MYZAP: variants seen among roughly 807,000 people sequenced by gnomAD.
The protein encoded by MYZAP is myocardial zonula adherens protein.
Under a neutral mutation model 69.4 loss-of-function variants are expected in MYZAP, and 66 were observed. The ratio of observed to expected loss-of-function variants is 0.95; its 90% CI spans 0.78 to 1.17. The LOEUF (loss-of-function observed/expected upper bound fraction) is 1.17, where lower values mean the gene tolerates loss of function less well. Ranked by LOEUF, MYZAP falls within the 50% of genes most tolerant of loss-of-function variation. MYZAP has a pLI of 0.00. For synonymous variants in MYZAP, 256 were observed against 205.9 expected, an observed-to-expected ratio of 1.24 and a Z score of -2.09; for missense variants, 611 against 556.2, an observed-to-expected ratio of 1.10 and a Z score of -0.99.
chr15:57,665,274 T>C (rs1418016445), intron 11 of MYZAP, among the ~76,000 whole-genome samples: 2 of 152,230 alleles, frequency 1.3e-5, no homozygotes, highest in African/African-American at 4.8e-5. Context: ...AGGGTGAGGC[T>C]GGACGTGAGT....
intron 5 of MYZAP, among the ~76,000 whole-genome samples, chr15:57,626,195 C>T (rs1303043530): frequency 6.6e-6 from 1 of 152,164 alleles, no homozygotes; most frequent in African/African-American, 2.4e-5. Flanking sequence ...TGCCTAACCC[C>T]ACACGTCAGC....
intron 2 of MYZAP, among the ~76,000 whole-genome samples, chr15:57,605,910 C>T (rs1210770636): frequency 1.3e-5 from 2 of 151,948 alleles, no homozygotes; most frequent in Non-Finnish European, 2.9e-5. Flanking sequence ...TAATGACAGT[C>T]ATGGCTTATA....
chr15:57,593,188 G>GCATGCGCGCGCGCGCGCGCGCACA, intron 1 of MYZAP, among the ~76,000 whole-genome samples: 1 of 114,152 alleles, frequency 8.8e-6, no homozygotes, highest in Non-Finnish European at 1.8e-5. Context: ...GTACACAGGC[G>GCATGCGCGCGCGCGCGCGCGCACA]CACACACACA....
Position 57,610,651 on chromosome 15 carries a change from A to G in MYZAP, c.162+6296A>G, listed in dbSNP as rs549308111. ...GTTAGTCTAGAGCCAGTGTTTTTCC[A>G]AACATTCCTTTATTCACGTTGATAA... On this transcript the variant is annotated intron_variant, in intron 2 of 12. Coordinates refer to ENST00000267853, the MANE Select transcript of MYZAP (RefSeq NM_001018100.5). Among the ~76,000 whole-genome samples the G allele has an allele frequency of 1.3e-5, 2 of 152,266 alleles. 1 individual carries two copies. The highest frequency in any genetic ancestry group is 1.3e-4 in the Admixed American group (2 of 15,292).
At chr15:57,677,496 TAGAG>T (rs1402749603) in intron 12 of MYZAP, among the ~76,000 whole-genome samples, 3 of 152,204 alleles carry the variant, frequency 2.0e-5, no homozygotes, top group Admixed American at 6.5e-5. Context: ...ATGTAATAAA[TAGAG>T]AGCTACTAAA....
At chr15:57,650,439 CT>C (rs1419337481) in intron 10 of MYZAP, among the ~76,000 whole-genome samples, 9 of 152,166 alleles carry the variant, frequency 5.9e-5, no homozygotes, top group African/African-American at 2.4e-5. Context: ...CTCATTTGAA[CT>C]TGAGGCAGAA....
intron 9 of MYZAP, 76 bp from the exon 10 acceptor site, chr15:57,639,364 T>G (rs2036995974): frequency 1.6e-5 from 24 of 1,493,278 alleles, no homozygotes; most frequent in Non-Finnish European, 1.8e-6. Flanking sequence ...CAATATTCTT[T>G]AAAGCTGTGA....
At chr15:57,602,219 C>T (rs774225169) in intron 1 of MYZAP, among the ~76,000 whole-genome samples, 1 of 152,088 alleles carries the variant, frequency 6.6e-6, no homozygotes, top group Non-Finnish European at 1.5e-5. Context: ...TTTGCTAGGG[C>T]TGCCATGAAA....
chr15:57,621,224 T>C (rs1475870000), intron 3 of MYZAP, among the ~76,000 whole-genome samples: 1 of 131,434 alleles, frequency 7.6e-6, no homozygotes, highest in Non-Finnish European at 1.7e-5. Context: ...TTTTTTTTGT[T>C]TTTTGAGATG....
chr15:57,605,227 A>C (rs1215806935), intron 2 of MYZAP, among the ~76,000 whole-genome samples: 1 of 152,222 alleles, frequency 6.6e-6, no homozygotes, highest in Non-Finnish European at 1.5e-5. Context: ...CTAGTGGGAC[A>C]AGAATGGAAG....
chr15:57,602,486 T>G (rs754458171), intron 1 of MYZAP, among the ~76,000 whole-genome samples: 2 of 152,220 alleles, frequency 1.3e-5, no homozygotes, highest in African/African-American at 4.8e-5. Flanking sequence ...GCCACACTTA[T>G]GATCTCATTT....
At chr15:57,659,020 A>G (rs1476897827) in intron 10 of MYZAP, among the ~76,000 whole-genome samples, 1 of 152,190 alleles carries the variant, frequency 6.6e-6, no homozygotes, top group African/African-American at 2.4e-5. Context: ...CTCCTTTCCA[A>G]GTAAGGAGTT....
chr15:57,676,840 T>C (rs2039162622), intron 12 of MYZAP, among the ~76,000 whole-genome samples: 1 of 152,216 alleles, frequency 6.6e-6, no homozygotes, highest in African/African-American at 2.4e-5. Flanking sequence ...TGACAGACCC[T>C]TAACTTATGG....
intron 2 of MYZAP, among the ~76,000 whole-genome samples, chr15:57,606,798 A>G (rs1450113459): frequency 6.6e-6 from 1 of 152,220 alleles, no homozygotes; most frequent in Non-Finnish European, 1.5e-5. Flanking sequence ...TATATTACAT[A>G]TTATTGAATA....
chr15:57,639,661 G>A, intron 10 of MYZAP, 116 bp downstream of exon 10: 1 of 1,158,492 alleles, frequency 8.6e-7, no homozygotes. Context: ...GAGGTGCTCA[G>A]GCCACTGCCA....
intron 11 of MYZAP, among the ~76,000 whole-genome samples, chr15:57,661,956 A>G (rs2038330889): frequency 6.6e-6 from 1 of 152,234 alleles, no homozygotes; most frequent in Non-Finnish European, 1.5e-5. Flanking sequence ...AGAGGCACAG[A>G]GAAGACAGGT....
chr15:57,670,790 C>G (rs2038831940), intron 11 of MYZAP, among the ~76,000 whole-genome samples: 1 of 151,942 alleles, frequency 6.6e-6, no homozygotes. Flanking sequence ...GGTGGTTACT[C>G]TAGGTATTGT....
rs78578593 is a variant in MYZAP, at chr15:57,614,707, C to T, written c.163-3326C>T. ...CTGAGAGCAGGCTCTTGGGTTCCTA[C>T]GGCTGGAGACCCTGGGATGCTACAT... On this transcript the variant is annotated intron_variant, in intron 2 of 12. Coordinates refer to ENST00000267853, the MANE Select transcript of MYZAP (RefSeq NM_001018100.5). 6.9e-3 allele frequency among the ~76,000 whole-genome samples: 1,049 copies of T among 152,170 alleles called. 9 individuals are homozygous for T. The highest frequency in any genetic ancestry group is 0.024 in the African/African-American group (990 of 41,496).
In MYZAP at chr15:57,665,197, G is replaced by C. The variant is rs955617933; in HGVS notation, c.1203+3664G>C. ...CATGAGCAGGGATTGTACAAGCCAG[G>C]TCCTACTAGCAGGCCATAGGGCCCA... On this transcript the variant is annotated intron_variant, in intron 11 of 12. Coordinates refer to ENST00000267853, the MANE Select transcript of MYZAP (RefSeq NM_001018100.5). 7.2e-5 allele frequency among the ~76,000 whole-genome samples: 11 copies of C among 152,324 alleles called. No homozygotes were observed. In the East Asian group the frequency reaches 1.9e-3, roughly 27 times the overall value.
Sources: allele counts gnomAD v4.1 joint callset (sites outside exome capture counted in the v4.1 genomes callset), GRCh38; gene constraint gnomAD v4.1.1; transcripts MANE v1.5; gene names NCBI Gene and HGNC (gene_info 2026-07-23, HGNC 2026-07-21).